Variants in GALK2 observed in about 807,000 individuals in gnomAD.
GALK2 encodes the protein galactokinase 2.
A neutral mutation model predicts 52.4 loss-of-function variants in GALK2; 36 were observed. The ratio of observed to expected loss-of-function variants is 0.69; its 90% confidence interval spans 0.53 to 0.91. The LOEUF (loss-of-function observed/expected upper bound fraction) is 0.91. Ranked by LOEUF, GALK2 falls within the 40% of genes least tolerant of loss-of-function variation. The pLI, the probability that GALK2 is intolerant of heterozygous loss-of-function variation, is 0.00. For synonymous variants in GALK2, 176 were observed against 199.1 expected (o/e 0.88, Z 0.98); for missense variants, 579 against 559.1 (o/e 1.04, Z -0.36).
intron 3 of GALK2, among the ~76,000 whole-genome samples, chr15:49,361,630 C>T (rs540521493): frequency 6.6e-6 from 1 of 152,242 alleles, no homozygotes; most frequent in African/African-American, 2.4e-5. Context: ...ACCACGTTTT[C>T]TTTACCTAGT....
downstream of GALK2, among the ~76,000 whole-genome samples, chr15:49,333,032 C>T (rs2039073764): frequency 6.6e-6 from 1 of 152,152 alleles, no homozygotes; most frequent in African/African-American, 2.4e-5. Flanking sequence ...CTCAGTAACA[C>T]CTTCTTAGAA....
chr15:49,216,556 G>A (rs1304241114), intron 2 of GALK2, among the ~76,000 whole-genome samples: 2 of 152,202 alleles, frequency 1.3e-5, no homozygotes, highest in Non-Finnish European at 2.9e-5. Flanking sequence ...CTGCCTCCAA[G>A]GCCGGTGCAG....
chr15:49,215,651 A>G (rs1029502419), intron 2 of GALK2, among the ~76,000 whole-genome samples: 8 of 152,104 alleles, frequency 5.3e-5, no homozygotes, highest in African/African-American at 1.9e-4. Flanking sequence ...GTTATCTTTA[A>G]GTTTGTTGAG....
intron 3 of GALK2, among the ~76,000 whole-genome samples, chr15:49,221,420 C>T (rs572461546): frequency 6.6e-5 from 10 of 152,054 alleles, no homozygotes; most frequent in Admixed American, 5.9e-4. Context: ...AATCCCTGCA[C>T]TTTGGGAGGC....
intron 8 of GALK2, among the ~76,000 whole-genome samples, chr15:49,310,925 C>T (rs1364021208): frequency 6.6e-6 from 1 of 151,994 alleles, no homozygotes; most frequent in Non-Finnish European, 1.5e-5. Flanking sequence ...TTGTTGTTGT[C>T]ACTGGTGATT....
rs746331791 is a variant in GALK2 at position 49,204,510 on chromosome 15, A to G, written c.142+3260A>G. Among the ~76,000 whole-genome samples the G allele has an allele frequency of 1.5e-4, 23 of 151,874 alleles. 1 individual carries two copies. The highest frequency in any genetic ancestry group is 6.8e-3 in the Middle Eastern group (2 of 294). On this transcript the variant is annotated intron_variant, in intron 2 of 9. Transcript: ENST00000560031. ...TTTTGTATCCTCTTCAATTTCTTTC[A>G]TCAGTGTTTTATTGTTTTCATTGTA...
intron 3 of GALK2, among the ~76,000 whole-genome samples, chr15:49,363,660 G>A (rs1474737008): frequency 6.6e-6 from 1 of 152,128 alleles, no homozygotes; most frequent in Non-Finnish European, 1.5e-5. Flanking sequence ...CCAATACTAT[G>A]TTGAATAGGA....
Position 49,331,761 on chromosome 15 carries a change from T to G in GALK2, c.*3602T>G. 3 of 1,479,206 alleles carry G rather than the reference T, an allele frequency of 2.0e-6. No homozygotes were observed. Among genetic ancestry groups the G allele is most frequent in the Non-Finnish European group, 2.8e-6 (3 of 1,057,588 alleles). 91.6% of individuals were successfully genotyped at this position (1,479,206 alleles called of 1,614,324 possible). On this transcript the variant is annotated 3_prime_UTR_variant, in exon 10 of 10. Transcript: ENST00000560031. Reference sequence around the variant, plus strand: ...AGCTAGAGAGAGAATTCTCAATTATTTTCAGAAAGAAAACCTACCAGTTTA... The same window carrying G: ...AGCTAGAGAGAGAATTCTCAATTATGTTCAGAAAGAAAACCTACCAGTTTA...
At chr15:49,181,107 C>T (rs1462354870) in intron 1 of GALK2, among the ~76,000 whole-genome samples, 1 of 120,344 alleles carries the variant, frequency 8.3e-6, no homozygotes, top group East Asian at 2.9e-4. Context: ...CCCCCCTCCC[C>T]TCATCTCCTC....
intron 8 of GALK2, among the ~76,000 whole-genome samples, chr15:49,310,873 T>A (rs36035920): frequency 6.6e-6 from 1 of 152,196 alleles, no homozygotes; most frequent in Non-Finnish European, 1.5e-5. Flanking sequence ...TCCTTTGCTG[T>A]GTAGAATCTT....
At chr15:49,239,390 C>A in intron 5 of GALK2, 23 bp downstream of exon 5, 1 of 1,606,060 alleles carries the variant, frequency 6.2e-7, no homozygotes, top group Non-Finnish European at 8.5e-7. Context: ...GATAGGAAAC[C>A]TCATAGAACC....
At chr15:49,263,708 T>A (rs1293132883) in intron 5 of GALK2, among the ~76,000 whole-genome samples, 1 of 129,806 alleles carries the variant, frequency 7.7e-6, no homozygotes. Flanking sequence ...CGGCTGGTAC[T>A]GGTTGTTCCT....
At chr15:49,299,768 T>TTTCC (rs2034909759) in intron 8 of GALK2, among the ~76,000 whole-genome samples, 2 of 130,108 alleles carry the variant, frequency 1.5e-5, no homozygotes, top group Admixed American at 7.5e-5. Flanking sequence ...TCTTTCTTTC[T>TTTCC]TTCTTTCTTT....
intron 3 of GALK2, among the ~76,000 whole-genome samples, chr15:49,222,156 A>G (rs1449567635): frequency 6.6e-6 from 1 of 151,390 alleles, no homozygotes; most frequent in Non-Finnish European, 1.5e-5. Context: ...TTTTTTTTGT[A>G]GCTATTATAA....
chr15:49,156,239 T>A, intron 1 of GALK2: 1 of 556,046 alleles, frequency 1.8e-6, no homozygotes. Flanking sequence ...AACTGACCTT[T>A]ACAGCCCTTG....
intron 2 of GALK2, among the ~76,000 whole-genome samples, chr15:49,206,443 C>G (rs187113203): frequency 6.6e-6 from 1 of 151,994 alleles, no homozygotes; most frequent in Non-Finnish European, 1.5e-5. Flanking sequence ...AATATTGATT[C>G]TACCCATCCA....
rs571092450 is a variant in GALK2 at position 49,234,185 on chromosome 15, G to A, written c.267-1666G>A. Among the ~76,000 whole-genome samples, 21 of 152,036 alleles carry A rather than the reference G, an allele frequency of 1.4e-4. No individual in the cohort carries two copies. In the East Asian group the frequency reaches 2.7e-3, roughly 20 times the overall value. On this transcript the variant is annotated intron_variant, in intron 3 of 9. Coordinates refer to ENST00000560031, the MANE Select transcript of GALK2 (RefSeq NM_002044.4). The stretch of plus-strand genomic sequence containing the variant: ...TCCCATTTCACATACATTGTCCTTC[G>A]GCTGATTTTAGGAGCCTATTTATTT...
chr15:49,219,042 G>T (rs543732909), intron 3 of GALK2, among the ~76,000 whole-genome samples: 1 of 152,294 alleles, frequency 6.6e-6, no homozygotes, highest in East Asian at 1.9e-4. Flanking sequence ...GACCAGGCTG[G>T]TCTTAAGCTA....
intron 8 of GALK2, among the ~76,000 whole-genome samples, chr15:49,293,477 T>G (rs2034143861): frequency 6.6e-6 from 1 of 152,230 alleles, no homozygotes; most frequent in South Asian, 2.1e-4. Flanking sequence ...TAAAATAAAC[T>G]TTTACTACAA....
Sources: allele counts gnomAD v4.1 joint callset (sites outside exome capture counted in the v4.1 genomes callset), GRCh38; gene constraint gnomAD v4.1.1; transcripts MANE v1.5; gene names NCBI Gene and HGNC (gene_info 2026-07-23, HGNC 2026-07-21).